The following MAGI1 variants were observed in gnomAD, a reference collection of about 807,000 sequenced individuals.
MAGI1 encodes membrane associated guanylate kinase, WW and PDZ domain containing 1, also known as membrane-associated guanylate kinase, WW and PDZ domain-containing protein 1.
MAGI1 carries 58 observed loss-of-function variants against 139.9 expected under a neutral mutation model. The ratio of observed to expected loss-of-function variants is 0.41; its 90% confidence interval spans 0.34 to 0.52. MAGI1 has a LOEUF of 0.52. MAGI1 is among the 20% of genes least tolerant of loss of function. MAGI1 has a pLI of 0.12. For missense variants in MAGI1, 1,874 were observed against 1,901.6 expected (o/e 0.99, Z 0.27); for synonymous variants, 812 against 737.9 (o/e 1.10, Z -1.63).
chr3:65,500,174 T>C (rs2077028191), intron 2 of MAGI1, among the ~76,000 whole-genome samples: 1 of 152,170 alleles, frequency 6.6e-6, no homozygotes, highest in African/African-American at 2.4e-5. Flanking sequence ...TACAAGTAGA[T>C]TTGAGAAAGT....
At chr3:65,716,530 G>A (rs2032271839) in intron 1 of MAGI1, among the ~76,000 whole-genome samples, 2 of 152,174 alleles carry the variant, frequency 1.3e-5, no homozygotes, top group Non-Finnish European at 2.9e-5. Flanking sequence ...TAGGAACAGT[G>A]GGGAACAGCA....
intron 1 of MAGI1, among the ~76,000 whole-genome samples, chr3:65,655,414 T>C (rs1315524823): frequency 6.6e-6 from 1 of 152,206 alleles, no homozygotes; most frequent in Non-Finnish European, 1.5e-5. Flanking sequence ...TTCTGAAATA[T>C]AACTGAGTCA....
chr3:65,431,471 ATT>A (rs1483914696), intron 10 of MAGI1, among the ~76,000 whole-genome samples: 1 of 152,126 alleles, frequency 6.6e-6, no homozygotes, highest in Non-Finnish European at 1.5e-5. Flanking sequence ...AATTCAACTG[ATT>A]TTTTCCTATT....
At chr3:65,417,093 A>G (rs1397819005) in intron 12 of MAGI1, among the ~76,000 whole-genome samples, 2 of 152,168 alleles carry the variant, frequency 1.3e-5, no homozygotes, top group African/African-American at 4.8e-5. Flanking sequence ...AATGCTTCCG[A>G]TAGAAGTAGG....
chr3:65,749,710 T>TTTA (rs67423926), intron 1 of MAGI1, among the ~76,000 whole-genome samples: 4 of 134,828 alleles, frequency 3.0e-5, no homozygotes, highest in Non-Finnish European at 1.6e-5. Context: ...TAGTCTGAGT[T>TTTA]AAAAAAAAAA....
At chr3:65,486,223 T>C (rs1230807818) in intron 3 of MAGI1, among the ~76,000 whole-genome samples, 1 of 152,220 alleles carries the variant, frequency 6.6e-6, no homozygotes, top group South Asian at 2.1e-4. Context: ...ATCCTCTTCC[T>C]AATTAACATG....
chr3:65,494,950 T>C (rs567335607), intron 2 of MAGI1, among the ~76,000 whole-genome samples: 46 of 152,374 alleles, frequency 3.0e-4, no homozygotes, highest in Admixed American at 2.7e-3. Flanking sequence ...GGTTATAGTA[T>C]AGATGTTTGC....
chr3:65,703,900 T>C, intron 1 of MAGI1, among the ~76,000 whole-genome samples: 1 of 152,236 alleles, frequency 6.6e-6, no homozygotes, highest in East Asian at 1.9e-4. Context: ...ACTTCAGTGT[T>C]AGCTAGGGAT....
At position 65,437,219 on chromosome 3, in the gene MAGI1, C is replaced by T. The variant is rs1027466111; in HGVS notation, c.1299G>A (p.Val433=). The T allele has an allele frequency of 1.2e-6, 2 of 1,611,818 alleles. No individual in the cohort carries two copies. The highest frequency in any genetic ancestry group is 2.2e-5 in the East Asian group (1 of 44,822). The change falls in exon 10 of 23, where the codon GTG becomes GTA. Residue 433 remains valine, a synonymous_variant. Coordinates refer to ENST00000402939, the MANE Select transcript of MAGI1 (RefSeq NM_001033057.2). The part of the protein sequence containing the change: ...EEWTEDHSAL[V]PPVIPNHPPS... ...GAGGGTGGTTTGGAATAACAGGAGG[C>T]ACAAGGGCTGAGTGATCTTCTGTCC...
intron 1 of MAGI1, among the ~76,000 whole-genome samples, chr3:65,903,406 TAGAGTTCA>T: frequency 6.6e-6 from 1 of 152,274 alleles, no homozygotes; most frequent in East Asian, 1.9e-4. Context: ...AACTTCTCTC[TAGAGTTCA>T]GTTTCCTCAT....
intron 2 of MAGI1, chr3:65,532,829 A>C (rs978560433): frequency 1.3e-5 from 2 of 152,300 alleles, no homozygotes; most frequent in African/African-American, 4.8e-5. Context: ...TTTTCTTTGC[A>C]GAGCAATTTT....
intron 1 of MAGI1, among the ~76,000 whole-genome samples, chr3:65,990,121 G>C (rs1020969909): frequency 6.6e-6 from 1 of 152,122 alleles, no homozygotes; most frequent in East Asian, 1.9e-4. Context: ...GGAAGTAGCA[G>C]ACACAGGAGG....
chr3:65,472,041 T>C (rs1162330879), intron 4 of MAGI1, among the ~76,000 whole-genome samples: 2 of 152,198 alleles, frequency 1.3e-5, no homozygotes, highest in Non-Finnish European at 2.9e-5. Context: ...TCATTTTGTT[T>C]GCTTGAACCC....
chr3:65,403,009 T>A (rs1483464935), intron 12 of MAGI1, among the ~76,000 whole-genome samples: 1 of 152,202 alleles, frequency 6.6e-6, no homozygotes, highest in Non-Finnish European at 1.5e-5. Flanking sequence ...ACAGAGAATC[T>A]GAGGACCATA....
chr3:65,964,940 T>C (rs1370473299), intron 1 of MAGI1, among the ~76,000 whole-genome samples: 1 of 152,234 alleles, frequency 6.6e-6, no homozygotes, highest in East Asian at 1.9e-4. Context: ...CCGGAAACTA[T>C]ATGCATATGC....
intron 1 of MAGI1, among the ~76,000 whole-genome samples, chr3:66,001,428 TATAAAACG>T (rs1262667997): frequency 2.0e-5 from 3 of 152,324 alleles, no homozygotes; most frequent in African/African-American, 4.8e-5. Flanking sequence ...TGCCAAGATT[TATAAAACG>T]ACTGCAATGT....
intron 1 of MAGI1, among the ~76,000 whole-genome samples, chr3:65,953,075 A>C (rs1335266629): frequency 6.6e-6 from 1 of 152,134 alleles, no homozygotes; most frequent in Non-Finnish European, 1.5e-5. Context: ...AAGGTCACAG[A>C]ATTGGAATTC....
chr3:65,500,120 G>A lies in MAGI1; in HGVS notation c.431-6489C>T, dbSNP rs571248649. On this transcript the variant is annotated intron_variant, in intron 2 of 22. Transcript: ENST00000402939. ...CCATCTCATAGAAAGCCAGCCTCAA[G>A]GTCAACAATACTTTACTTGCCTTAC... Among the ~76,000 whole-genome samples, 5 of 152,268 alleles carry A rather than the reference G, an allele frequency of 3.3e-5. No individual in the cohort carries two copies. In the South Asian group the frequency reaches 8.3e-4, roughly 25 times the overall value.
At chr3:65,449,712 T>A (rs1575789134) in intron 6 of MAGI1, among the ~76,000 whole-genome samples, 1 of 152,122 alleles carries the variant, frequency 6.6e-6, no homozygotes, top group Non-Finnish European at 1.5e-5. Flanking sequence ...GAGGCAAAGG[T>A]TGCAGTGAGC....
Sources: gnomAD v4.1 joint callset for allele counts (sites outside exome capture counted in the v4.1 genomes callset) on GRCh38, gnomAD v4.1.1 for gene constraint, MANE v1.5 for transcripts, NCBI Gene and HGNC (gene_info 2026-07-23, HGNC 2026-07-21) for gene names.